The following PCSK2 variants were observed in gnomAD, a reference collection of about 807,000 sequenced individuals.
PCSK2 encodes the protein neuroendocrine convertase 2.
In PCSK2, 14 loss-of-function variants were observed where a neutral mutation model predicts 69.7. The observed-to-expected ratio is 0.20, with a 90% CI of 0.13 to 0.31. The LOEUF (loss-of-function observed/expected upper bound fraction) is 0.31. Ranked by LOEUF, PCSK2 falls within the 10% of genes least tolerant of loss-of-function variation. The pLI, the probability that PCSK2 is intolerant of heterozygous loss-of-function variation, is 1.00. For synonymous variants in PCSK2, 307 were observed against 320.7 expected, an observed-to-expected ratio of 0.96 and a Z score of 0.46; for missense variants, 544 against 842.5, an observed-to-expected ratio of 0.65 and a Z score of 4.39.
At chr20:17,386,810 A>T (rs887210412) in intron 5 of PCSK2, among the ~76,000 whole-genome samples, 5 of 152,194 alleles carry the variant, frequency 3.3e-5, no homozygotes, top group Non-Finnish European at 2.9e-5. Flanking sequence ...CAATGAATAC[A>T]TCGTTTTTTA....
intron 8 of PCSK2, among the ~76,000 whole-genome samples, chr20:17,450,069 C>T (rs1382711399): frequency 1.8e-5 from 2 of 110,214 alleles, no homozygotes; most frequent in Non-Finnish European, 3.5e-5. Context: ...TCACTGTCGC[C>T]TAGGCTGGAG....
chr20:17,387,975 A>G (rs186354338), intron 5 of PCSK2, among the ~76,000 whole-genome samples: 11 of 152,324 alleles, frequency 7.2e-5, no homozygotes, highest in African/African-American at 2.4e-4. Context: ...AGATTTCCCT[A>G]GAGTAGCTAT....
At chr20:17,377,819 A>T (rs766983406) in intron 5 of PCSK2, among the ~76,000 whole-genome samples, 1 of 152,254 alleles carries the variant, frequency 6.6e-6, no homozygotes, top group Non-Finnish European at 1.5e-5. Context: ...ATTTATTTTT[A>T]CAGAAACATA....
At chr20:17,353,124 C>A (rs2123199536) in intron 2 of PCSK2, among the ~76,000 whole-genome samples, 1 of 152,178 alleles carries the variant, frequency 6.6e-6, no homozygotes, top group African/African-American at 2.4e-5. Context: ...AAATCAAAAA[C>A]CACAGTGAGA....
chr20:17,244,134 G>T (rs1002126858), intron 1 of PCSK2, among the ~76,000 whole-genome samples: 1 of 152,120 alleles, frequency 6.6e-6, no homozygotes, highest in African/African-American at 2.4e-5. Flanking sequence ...ATTCACCAAA[G>T]TAATACGTAT....
At chr20:17,414,232 C>T (rs1176946572) in intron 6 of PCSK2, among the ~76,000 whole-genome samples, 5 of 151,936 alleles carry the variant, frequency 3.3e-5, no homozygotes, top group Admixed American at 2.6e-4. Flanking sequence ...CAAAAAAAAT[C>T]GATGAATCCA....
At chr20:17,388,554 C>G (rs777353357) in intron 5 of PCSK2, among the ~76,000 whole-genome samples, 1 of 152,000 alleles carries the variant, frequency 6.6e-6, no homozygotes, top group African/African-American at 2.4e-5. Flanking sequence ...ATCTGCAAAA[C>G]ATATATCTCT....
chr20:17,343,476 C>G (rs1318169075), intron 2 of PCSK2, among the ~76,000 whole-genome samples: 1 of 152,222 alleles, frequency 6.6e-6, no homozygotes, highest in African/African-American at 2.4e-5. Context: ...TTGTCAGCAA[C>G]CAACCTCACT....
intron 8 of PCSK2, among the ~76,000 whole-genome samples, 189 bp downstream of exon 8, chr20:17,437,072 G>C (rs140254779): frequency 2.6e-5 from 4 of 152,268 alleles, no homozygotes; most frequent in Non-Finnish European, 5.9e-5. Flanking sequence ...TAAGGAGAGA[G>C]GGCAGAAAAG....
intron 5 of PCSK2, among the ~76,000 whole-genome samples, chr20:17,396,618 A>ATT (rs11483786): frequency 1.3e-4 from 19 of 145,448 alleles, no homozygotes; most frequent in South Asian, 4.4e-4. Context: ...AAGTCAACTT[A>ATT]TTTTTTTTTT....
At chr20:17,228,921 G>A (rs1174601745) in intron 1 of PCSK2, among the ~76,000 whole-genome samples, 1 of 152,158 alleles carries the variant, frequency 6.6e-6, no homozygotes, top group African/African-American at 2.4e-5. Flanking sequence ...TGGAGCAGGG[G>A]AAAGAAGGCG....
At chr20:17,387,558 A>C (rs1373608858) in intron 5 of PCSK2, among the ~76,000 whole-genome samples, 2 of 152,210 alleles carry the variant, frequency 1.3e-5, no homozygotes, top group South Asian at 2.1e-4. Flanking sequence ...GAGCATCCTC[A>C]TGACATGATA....
chr20:17,445,168 A>G (rs1483633215), intron 8 of PCSK2, among the ~76,000 whole-genome samples: 2 of 152,170 alleles, frequency 1.3e-5, no homozygotes, highest in Non-Finnish European at 2.9e-5. Flanking sequence ...GCAAAGAGGG[A>G]GCTACAAAAA....
chr20:17,295,812 T>C (rs1226933713), intron 2 of PCSK2, among the ~76,000 whole-genome samples: 1 of 152,124 alleles, frequency 6.6e-6, no homozygotes, highest in Non-Finnish European at 1.5e-5. Flanking sequence ...TGCCCCAGTC[T>C]TTCAAAGTGG....
At chr20:17,235,292 T>G (rs1047917628) in intron 1 of PCSK2, among the ~76,000 whole-genome samples, 2 of 152,166 alleles carry the variant, frequency 1.3e-5, no homozygotes, top group Non-Finnish European at 2.9e-5. Flanking sequence ...TTCAGACTGT[T>G]ACAGCGTATT....
At chr20:17,330,072 ATCATT>A (rs1990171102) in intron 2 of PCSK2, among the ~76,000 whole-genome samples, 1 of 152,216 alleles carries the variant, frequency 6.6e-6, no homozygotes, top group South Asian at 2.1e-4. Flanking sequence ...CCAAAATATT[ATCATT>A]TCAACATGTT....
At chr20:17,241,756 C>A (rs1425339050) in intron 1 of PCSK2, among the ~76,000 whole-genome samples, 1 of 152,156 alleles carries the variant, frequency 6.6e-6, no homozygotes, top group East Asian at 1.9e-4. Flanking sequence ...AAATGCACCT[C>A]CCCTGACATA....
intron 6 of PCSK2, 139 bp downstream of exon 6, chr20:17,409,478 G>T (rs576922844): frequency 3.8e-5 from 24 of 627,090 alleles, no homozygotes; most frequent in Non-Finnish European, 6.3e-5. Flanking sequence ...CTTCTTAGTG[G>T]TTACATTCTC....
intron 2 of PCSK2, among the ~76,000 whole-genome samples, chr20:17,303,466 AT>A (rs1989182509): frequency 3.3e-5 from 2 of 60,326 alleles, no homozygotes; most frequent in African/African-American, 1.4e-4. Context: ...TAAATATAAT[AT>A]ATATTATATA....
Sources: allele counts gnomAD v4.1 joint callset (sites outside exome capture counted in the v4.1 genomes callset), GRCh38; gene constraint gnomAD v4.1.1; transcripts MANE v1.5; gene names NCBI Gene and HGNC (gene_info 2026-07-23, HGNC 2026-07-21).